The following LIAS variants were observed in gnomAD, a reference collection of about 807,000 sequenced individuals.
LIAS encodes lipoyl synthase, mitochondrial.
In LIAS, 36 loss-of-function variants were observed where a neutral mutation model predicts 49.4. That is an observed-to-expected ratio of 0.73 (90% confidence interval 0.56 to 0.96). LIAS has a LOEUF of 0.96. Among genes scored for constraint, LIAS ranks in the 40% least tolerant of loss-of-function variants. The pLI, the probability that LIAS is intolerant of heterozygous loss-of-function variation, is 0.00. For synonymous variants in LIAS, 145 were observed against 155.8 expected (o/e 0.93, Z 0.52); for missense variants, 399 against 456.3 (o/e 0.87, Z 1.14).
At chr4:39,460,996 G>T (rs1240211089) in intron 2 of LIAS, 34 bp downstream of exon 2, 1 of 1,546,686 alleles carries the variant, frequency 6.5e-7, no homozygotes, top group Non-Finnish European at 8.8e-7. Flanking sequence ...TTAACGTCCC[G>T]TTCCTTTATT....
At chr4:39,464,520 G>A (rs1744681705) in intron 4 of LIAS, among the ~76,000 whole-genome samples, 1 of 151,872 alleles carries the variant, frequency 6.6e-6, no homozygotes, top group Admixed American at 6.6e-5. Flanking sequence ...TTAAGAAATG[G>A]GGGTCTCACT....
In LIAS at chr4:39,470,331, T is replaced by TA. The variant is rs33923717; in HGVS notation, c.883+179dup. Among the ~76,000 whole-genome samples the TA allele has an allele frequency of 3.5e-3, 494 of 141,342 alleles. 1 individual carries two copies. The highest frequency in any genetic ancestry group is 0.014 in the Middle Eastern group (4 of 278). 92.7% of individuals were successfully genotyped at this position (141,342 alleles called of 152,430 possible). ...GCACCCTCAAATCTAAAATACAAGTTAAAAAAAAAAAAGCAAAGGAAATAA... is the reference window on the plus strand; with the variant it reads ...GCACCCTCAAATCTAAAATACAAGTTAAAAAAAAAAAAAGCAAAGGAAATAA... On this transcript the variant is annotated intron_variant, in intron 8 of 10. Coordinates refer to ENST00000640888, the MANE Select transcript of LIAS (RefSeq NM_006859.4).
At chr4:39,473,060 G>T in intron 9 of LIAS, 40 bp from the exon 10 acceptor site, 1 of 1,206,144 alleles carries the variant, frequency 8.3e-7, no homozygotes, top group Non-Finnish European at 1.2e-6. Flanking sequence ...AATCAAAGTG[G>T]AATTCTAAAA....
intron 9 of LIAS, among the ~76,000 whole-genome samples, chr4:39,471,544 T>TTTTA (rs60976881): frequency 1.7e-5 from 2 of 114,954 alleles, no homozygotes; most frequent in African/African-American, 6.3e-5. Context: ...TTTTTTTTTT[T>TTTTA]GAGACGGAGT....
At chr4:39,468,761 C>G (rs1455206820) in intron 7 of LIAS, 1 of 149,938 alleles carries the variant, frequency 6.7e-6, no homozygotes, top group East Asian at 2.0e-4. Flanking sequence ...GTAATTCCAG[C>G]TACTCTGGAG....
rs1214188091 is a variant in LIAS, at chr4:39,478,125, CAACTTTA to C, written c.*1011_*1017del. On this transcript the variant is annotated 3_prime_UTR_variant, in exon 11 of 11. Transcript: ENST00000640888. Reference sequence around the variant, plus strand: ...AAACTCATCAGTTTAGCATTTCATTCAACTTTAGCATTCATTCAACGTAGATTGAAAC... The same window carrying C: ...AAACTCATCAGTTTAGCATTTCATTCGCATTCATTCAACGTAGATTGAAAC... The C allele has an allele frequency of 1.3e-5, 2 of 152,188 alleles. No individual in the cohort carries two copies. Among genetic ancestry groups the C allele is most frequent in the Non-Finnish European group, 2.9e-5 (2 of 68,050 alleles). 9.4% of individuals were successfully genotyped at this position (152,188 alleles called of 1,614,324 possible). A position where few individuals can be genotyped will look rare whatever the true frequency, so the allele number is the denominator to read the frequency against.
intron 8 of LIAS, among the ~76,000 whole-genome samples, chr4:39,471,002 T>C (rs750237602): frequency 1.2e-4 from 19 of 152,208 alleles, no homozygotes; most frequent in Non-Finnish European, 2.4e-4. Context: ...TTAGAAGTAT[T>C]TATCCTTGTA....
chr4:39,471,803 C>T (rs1744999984), intron 9 of LIAS, among the ~76,000 whole-genome samples: 1 of 152,038 alleles, frequency 6.6e-6, no homozygotes, highest in Non-Finnish European at 1.5e-5. Context: ...GCTAGGATTA[C>T]AGGCGTGAGC....
At chr4:39,463,734 T>C (rs1010779623) in intron 4 of LIAS, 129 bp downstream of exon 4, 10 of 1,354,776 alleles carry the variant, frequency 7.4e-6, no homozygotes, top group Non-Finnish European at 8.6e-6. Context: ...TTATGAAAAA[T>C]ATTAAGAAAA....
intron 1 of LIAS, 85 bp from the exon 2 acceptor site, chr4:39,460,705 C>T: frequency 8.7e-7 from 1 of 1,150,720 alleles, no homozygotes; most frequent in Admixed American, 2.6e-5. Context: ...TTTGGCTTTA[C>T]CCTTCCGTTT....
Position 39,460,817 on chromosome 4 carries a change from G to C in LIAS, c.73G>C (p.Val25Leu), listed in dbSNP as rs1744445711. The change falls in exon 2 of 11, where the codon GTC becomes CTC. Residue 25 changes from valine to leucine, a missense_variant. By Grantham distance (32) the Val-to-Leu change is conservative. Around this residue, in one of 3 missense-constraint regions of LIAS, gnomAD observed 159 missense variants for 147.6 expected, o/e 1.08. Transcript: ENST00000640888. ...RVFGRYFCSPVRPLSSLPDKK... is the reference protein window; with the variant it reads ...RVFGRYFCSPLRPLSSLPDKK... ...ATTTGGGAGATATTTTTGCAGCCCAGTCAGACCGTTAAGCTCCTTGCCAGA... is the reference window on the plus strand; with the variant it reads ...ATTTGGGAGATATTTTTGCAGCCCACTCAGACCGTTAAGCTCCTTGCCAGA... The C allele has an allele frequency of 6.3e-7, 1 of 1,591,648 alleles. No individual in the cohort carries two copies. The highest frequency in any genetic ancestry group is 8.5e-7 in the Non-Finnish European group (1 of 1,172,228).
chr4:39,471,955 C>T (rs1205196385), intron 9 of LIAS, among the ~76,000 whole-genome samples: 3 of 152,044 alleles, frequency 2.0e-5, no homozygotes, highest in Admixed American at 6.6e-5. Flanking sequence ...TGAGCCACTG[C>T]GCCCAGCCCA....
chr4:39,461,613 T>A (rs1744500021), intron 2 of LIAS, among the ~76,000 whole-genome samples: 1 of 152,254 alleles, frequency 6.6e-6, no homozygotes, highest in Non-Finnish European at 1.5e-5. Flanking sequence ...GCTCATTCTC[T>A]TATTAGAATA....
chr4:39,476,824 C>T (rs1745210353), intron 10 of LIAS: 1 of 436,202 alleles, frequency 2.3e-6, no homozygotes, highest in Admixed American at 4.4e-5. Context: ...GTAATATTGG[C>T]TTACTAGAAA....
At chr4:39,465,452 A>T in intron 6 of LIAS, 110 bp downstream of exon 6, 1 of 909,808 alleles carries the variant, frequency 1.1e-6, no homozygotes, top group Non-Finnish European at 1.6e-6. Context: ...GGAGTTTCAT[A>T]GTTTTCTGAT....
intron 9 of LIAS, among the ~76,000 whole-genome samples, chr4:39,471,548 A>T (rs1744990755): frequency 2.0e-5 from 1 of 49,378 alleles, no homozygotes; most frequent in Admixed American, 2.9e-4. Context: ...TTTTTTTGAG[A>T]CGGAGTCTCG....
chr4:39,459,345 T>C, intron 1 of LIAS, 183 bp downstream of exon 1: 1 of 619,108 alleles, frequency 1.6e-6, no homozygotes, highest in Non-Finnish European at 2.8e-6. Context: ...ATAGAGTCTC[T>C]GGCATCAGTT....
chr4:39,463,657 AT>A (rs1331064219), intron 4 of LIAS, 52 bp downstream of exon 4: 1 of 1,553,382 alleles, frequency 6.4e-7, no homozygotes, highest in South Asian at 1.2e-5. Flanking sequence ...GAAAGGGACT[AT>A]TTTGTGTCTT....
rs1744715765 is a variant in LIAS, at chr4:39,465,308, C to T, written c.574C>T (p.His192Tyr). Residue 192 changes from histidine to tyrosine, a missense_variant, in exon 6 of 11, where the codon CAC becomes TAC. Physicochemically the swap from His to Tyr is moderately conservative, Grantham distance 83. Around this residue, in one of 3 missense-constraint regions of LIAS, gnomAD observed 234 missense variants for 292.2 expected, o/e 0.80. Coordinates refer to ENST00000640888, the MANE Select transcript of LIAS (RefSeq NM_006859.4). ...RDDMPDGGAE[H>Y]IAKTVSYLKE... Reference sequence around the variant, plus strand: ...AGATATGCCTGATGGGGGAGCTGAACACATTGCAAAGACCGTATCATATTT... The same window carrying T: ...AGATATGCCTGATGGGGGAGCTGAATACATTGCAAAGACCGTATCATATTT... 6.2e-7 allele frequency: 1 copy of T among 1,612,570 alleles called. No homozygotes were observed. Among genetic ancestry groups the T allele is most frequent in the Non-Finnish European group, 8.5e-7 (1 of 1,179,658 alleles).
Sources: gnomAD v4.1 joint callset for allele counts (sites outside exome capture counted in the v4.1 genomes callset) on GRCh38, gnomAD v4.1.1 for gene constraint, gnomAD v4.1.1 regional missense constraint, MANE v1.5 for transcripts, NCBI Gene and HGNC (gene_info 2026-07-23, HGNC 2026-07-21) for gene names.